The following CCDC88C variants were observed in gnomAD, a reference collection of about 807,000 sequenced individuals.
CCDC88C encodes protein Daple.
CCDC88C carries 131 observed loss-of-function variants against 198.8 expected under a neutral mutation model. The observed-to-expected ratio is 0.66, with a 90% CI of 0.57 to 0.76. CCDC88C has a LOEUF of 0.76. Among genes scored for constraint, CCDC88C ranks in the 30% least tolerant of loss-of-function variants. The probability of loss-of-function intolerance (pLI) is 0.00; values close to 1 mark genes in which losing one functional copy is unlikely to be tolerated. For synonymous variants in CCDC88C, 1,166 were observed against 1,114.7 expected (o/e 1.05, Z -0.92); for missense variants, 2,553 against 2,631.6 (o/e 0.97, Z 0.65).
chr14:91,314,101 G>A lies in CCDC88C; in HGVS notation c.1715C>T (p.Ser572Leu), dbSNP rs200999247. ...GCTGACCTGCGACCTCTCCCGCAGCGACCACATGGCTCGGTTGAGGTGGTC... is the reference window on the plus strand; with the variant it reads ...GCTGACCTGCGACCTCTCCCGCAGCAACCACATGGCTCGGTTGAGGTGGTC... ...EKDHLNRAMWSLRERSQVSSE... is the reference protein window; with the variant it reads ...EKDHLNRAMWLLRERSQVSSE... Residue 572 changes from serine to leucine, a missense_variant, in exon 15 of 30, where the codon TCG becomes TTG. Physicochemically the swap from Ser to Leu is moderately radical, Grantham distance 145. Transcript: ENST00000389857. 5.1e-4 allele frequency: 824 copies of A among 1,613,534 alleles called. 1 individual carries two copies. The highest frequency in any genetic ancestry group is 6.5e-4 in the Non-Finnish European group (765 of 1,179,808).
intron 3 of CCDC88C, among the ~76,000 whole-genome samples, chr14:91,384,146 T>C (rs1303250905): frequency 6.6e-6 from 1 of 152,022 alleles, no homozygotes; most frequent in Non-Finnish European, 1.5e-5. Context: ...CCAAAAACTC[T>C]CAGGTGGAGG....
At chr14:91,376,356 G>A (rs1216848088) in intron 3 of CCDC88C, among the ~76,000 whole-genome samples, 1 of 152,180 alleles carries the variant, frequency 6.6e-6, no homozygotes, top group African/African-American at 2.4e-5. Flanking sequence ...CCACTCATGT[G>A]TTCATTCACT....
intron 28 of CCDC88C, among the ~76,000 whole-genome samples, chr14:91,278,598 T>C (rs1007228686): frequency 1.2e-4 from 19 of 152,198 alleles, no homozygotes; most frequent in Non-Finnish European, 7.3e-5. Context: ...ACCATACATG[T>C]TCCGAGAATC....
rs376412313 is a variant in CCDC88C, at chr14:91,273,409, G to A, written c.5303C>T (p.Pro1768Leu). ...GCTCTGGGGAGGCTGGGCCTGTCTC[G>A]GGGCCACGCTGGGTGGGGCCTCGGC... Reference protein sequence around the residue: ...TEAEAPPSVAPRQAQPPQSLS... With the variant: ...TEAEAPPSVALRQAQPPQSLS... Residue 1768 changes from proline to leucine, a missense_variant, in exon 30 of 30, where the codon CCG becomes CTG. Transcript: ENST00000389857. The surrounding 1 kb of genome is among the most constrained non-coding windows in gnomAD (Gnocchi z 5.6). The A allele has an allele frequency of 1.2e-5, 19 of 1,552,222 alleles. No individual in the cohort carries two copies. Among genetic ancestry groups the A allele is most frequent in the Middle Eastern group, 3.4e-4 (2 of 5,808 alleles).
In CCDC88C at chr14:91,286,654, C is replaced by G. The variant is rs750409543; in HGVS notation, c.4441+2451G>C. ...CACCTGGTGGCCACAGTGGCTCACA[C>G]CACAGAATAAGGGACCAACTTATTC... On this transcript the variant is annotated intron_variant, in intron 25 of 29. Transcript: ENST00000389857. 2.0e-5 allele frequency among the ~76,000 whole-genome samples: 3 copies of G among 152,332 alleles called. No homozygotes were observed. In the East Asian group the frequency reaches 5.8e-4, roughly 29 times the overall value.
chr14:91,349,339 T>A (rs754226198), intron 4 of CCDC88C, among the ~76,000 whole-genome samples: 1 of 152,180 alleles, frequency 6.6e-6, no homozygotes, highest in Non-Finnish European at 1.5e-5. Context: ...GACAGACTTA[T>A]CGGGTAGGCA....
chr14:91,322,436 T>C (rs1327720062), intron 12 of CCDC88C, among the ~76,000 whole-genome samples: 3 of 152,120 alleles, frequency 2.0e-5, no homozygotes, highest in African/African-American at 7.2e-5. Context: ...GGATGGTGTG[T>C]ACCTGGCCCC....
chr14:91,280,899 G>A (rs974532410), intron 27 of CCDC88C, among the ~76,000 whole-genome samples: 1 of 152,172 alleles, frequency 6.6e-6, no homozygotes, highest in African/African-American at 2.4e-5. Flanking sequence ...AACTGAAATC[G>A]ATGTAAACTT....
rs749265236 is a variant in CCDC88C at position 91,284,201 on chromosome 14, A to G, written c.4442-684T>C. ...ACAGGAAAGAGGACAGGCTCTCCCA[A>G]CACAAGATAAAAATGAACATGGCTG... On this transcript the variant is annotated intron_variant, in intron 25 of 29. Coordinates refer to ENST00000389857, the MANE Select transcript of CCDC88C (RefSeq NM_001080414.4). This position sits in a 1 kb window ranked among gnomAD's most constrained non-coding sequence, Gnocchi z 4.1. 6.6e-6 allele frequency among the ~76,000 whole-genome samples: 1 copy of G among 152,242 alleles called. No homozygotes were observed. Among genetic ancestry groups the G allele is most frequent in the African/African-American group, 2.4e-5 (1 of 41,462 alleles).
At chr14:91,322,923 T>G (rs907086597) in intron 12 of CCDC88C, among the ~76,000 whole-genome samples, 2 of 150,236 alleles carry the variant, frequency 1.3e-5, no homozygotes, top group African/African-American at 2.5e-5. Context: ...TTTTTTTTTT[T>G]GAGACAGAAT....
rs993353949 is a variant in CCDC88C at position 91,306,040 on chromosome 14, G to A, written c.3196-114C>T. On this transcript the variant is annotated intron_variant, in intron 18 of 29. Coordinates refer to ENST00000389857, the MANE Select transcript of CCDC88C (RefSeq NM_001080414.4). Reference sequence around the variant, plus strand: ...AAGTTGATGTTTTGGGGGCCAAATCGAGGGTCCGCTGGATGAGGTCAGTAT... The same window carrying A: ...AAGTTGATGTTTTGGGGGCCAAATCAAGGGTCCGCTGGATGAGGTCAGTAT... 85 of 1,034,338 alleles carry A rather than the reference G, an allele frequency of 8.2e-5. No individual in the cohort carries two copies. In the African/African-American group the frequency reaches 1.1e-3, roughly 14 times the overall value. 64.1% of individuals were successfully genotyped at this position (1,034,338 alleles called of 1,614,324 possible). A position where few individuals can be genotyped will look rare whatever the true frequency, so the allele number is the denominator to read the frequency against.
At chr14:91,330,802 C>T (rs543540137) in intron 10 of CCDC88C, among the ~76,000 whole-genome samples, 1 of 152,154 alleles carries the variant, frequency 6.6e-6, no homozygotes, top group African/African-American at 2.4e-5. Context: ...AGGCCTGGAG[C>T]GCAAGACAGA....
At chr14:91,367,108 T>G (rs1179054459) in intron 3 of CCDC88C, among the ~76,000 whole-genome samples, 1 of 152,204 alleles carries the variant, frequency 6.6e-6, no homozygotes, top group African/African-American at 2.4e-5. Context: ...TAAGTGAAAC[T>G]GAATCTCGCA....
intron 23 of CCDC88C, among the ~76,000 whole-genome samples, chr14:91,291,444 G>A (rs867413139): frequency 1.6e-4 from 24 of 152,204 alleles, no homozygotes; most frequent in Admixed American, 8.5e-4. Context: ...AACCTACCCC[G>A]CAGTGGTGAC....
At chr14:91,384,450 A>T in intron 3 of CCDC88C, 1 of 524,554 alleles carries the variant, frequency 1.9e-6, no homozygotes, top group Non-Finnish European at 3.9e-6. Context: ...TTGGGTTTTG[A>T]TCCTTCTTTG....
intron 18 of CCDC88C, 83 bp downstream of exon 18, chr14:91,306,955 T>C (rs1277516995): frequency 1.5e-6 from 2 of 1,375,380 alleles, no homozygotes; most frequent in Admixed American, 5.2e-5. Context: ...TTTACAGCAA[T>C]GACAAGTCAT....
At chr14:91,316,635 C>T (rs1378159809) in intron 13 of CCDC88C, among the ~76,000 whole-genome samples, 2 of 152,144 alleles carry the variant, frequency 1.3e-5, no homozygotes, top group African/African-American at 4.8e-5. Flanking sequence ...GTTGGCCAGG[C>T]TGGTCTCACA....
At chr14:91,298,715 G>A (rs906988022) in intron 21 of CCDC88C, among the ~76,000 whole-genome samples, 13 of 152,168 alleles carry the variant, frequency 8.5e-5, no homozygotes, top group African/African-American at 2.2e-4. Context: ...TGCATTCTCC[G>A]TTCAACAGTC....
At chr14:91,289,798 G>A (rs765225607) in intron 24 of CCDC88C, among the ~76,000 whole-genome samples, 2 of 152,142 alleles carry the variant, frequency 1.3e-5, no homozygotes, top group Non-Finnish European at 2.9e-5. Context: ...AAAAATCAGT[G>A]CATTTAAAGA....
Sources: allele counts gnomAD v4.1 joint callset (sites outside exome capture counted in the v4.1 genomes callset), GRCh38; gene constraint gnomAD v4.1.1; non-coding constraint Gnocchi (gnomAD v3.1); transcripts MANE v1.5; gene names NCBI Gene and HGNC (gene_info 2026-07-23, HGNC 2026-07-21).